EFCAB14: variants seen among roughly 807,000 people sequenced by gnomAD.
EFCAB14 encodes the protein EF-hand calcium-binding domain-containing protein 14.
In EFCAB14, 43 loss-of-function variants were observed where a neutral mutation model predicts 56.5. The observed-to-expected ratio is 0.76, with a 90% CI of 0.60 to 0.98. EFCAB14 has a LOEUF of 0.98. Among genes scored for constraint, EFCAB14 ranks in the 50% least tolerant of loss-of-function variants. EFCAB14 has a pLI of 0.00. For missense variants in EFCAB14, 538 were observed against 580.3 expected, an observed-to-expected ratio of 0.93 and a Z score of 0.75; for synonymous variants, 235 against 212.9, an observed-to-expected ratio of 1.10 and a Z score of -0.90.
intron 4 of EFCAB14, among the ~76,000 whole-genome samples, chr1:46,694,380 A>C (rs924733264): frequency 6.6e-6 from 1 of 152,258 alleles, no homozygotes; most frequent in African/African-American, 2.4e-5. Flanking sequence ...ACAAATTTAC[A>C]AGAAAAAATC....
At chr1:46,707,796 A>T in intron 3 of EFCAB14, 110 bp downstream of exon 3, 1 of 1,165,650 alleles carries the variant, frequency 8.6e-7, no homozygotes, top group Non-Finnish European at 1.2e-6. Context: ...TTCAAAAAGT[A>T]AAACAAACTG....
At chr1:46,716,469 T>A (rs985962772) in intron 1 of EFCAB14, 26 bp from the exon 2 acceptor site, 1 of 1,613,310 alleles carries the variant, frequency 6.2e-7, no homozygotes, top group South Asian at 1.1e-5. Context: ...AATTCAACCA[T>A]GAGTACAAAA....
chr1:46,695,395 T>C (rs1051526064), intron 4 of EFCAB14, among the ~76,000 whole-genome samples: 2 of 152,220 alleles, frequency 1.3e-5, no homozygotes, highest in East Asian at 1.9e-4. Context: ...TGTAAGTAGA[T>C]GGCCACATTG....
chr1:46,716,122 C>T (rs750978973), intron 2 of EFCAB14, among the ~76,000 whole-genome samples, 173 bp downstream of exon 2: 16 of 151,920 alleles, frequency 1.1e-4, no homozygotes, highest in Admixed American at 2.0e-4. Context: ...TGGTGGCACA[C>T]ACCTGTAATC....
chr1:46,686,981 C>A, intron 7 of EFCAB14, 111 bp from the exon 8 acceptor site: 1 of 971,994 alleles, frequency 1.0e-6, no homozygotes, highest in South Asian at 1.5e-5. Context: ...TAAAGGATCT[C>A]AGAACACTCT....
chr1:46,711,311 A>G lies in EFCAB14; in HGVS notation c.335-3260T>C, dbSNP rs183361939. Among the ~76,000 whole-genome samples, 330 of 152,350 alleles carry G rather than the reference A, an allele frequency of 2.2e-3. 3 individuals are homozygous for G. The highest frequency in any genetic ancestry group is 7.5e-3 in the African/African-American group (313 of 41,582). On this transcript the variant is annotated intron_variant, in intron 2 of 10. Transcript: ENST00000371933. ...ATAAAGAAAAACTCATCCAACAAAC[A>G]TCTGCCATACTCAGGTACCCCGAAG...
rs1022385140 is a variant in EFCAB14, at chr1:46,717,912, C to G, written c.176G>C (p.Arg59Pro). 3 of 1,613,256 alleles carry G rather than the reference C, an allele frequency of 1.9e-6. No homozygotes were observed. Among genetic ancestry groups the G allele is most frequent in the Non-Finnish European group, 2.5e-6 (3 of 1,179,728 alleles). ...EEFGVVGNRS[R>P]FAKGDYLRCC... ...TTTCACCACTACTCACTTGGCAAAG[C>G]GAGAGCGATTTCCAACCACACCGAA... is the stretch of plus-strand genomic sequence containing the variant. Residue 59 changes from arginine to proline, a missense_variant, in exon 1 of 11, where the codon CGC becomes CCC. By Grantham distance (103) the Arg-to-Pro change is moderately radical. Coordinates refer to ENST00000371933, the MANE Select transcript of EFCAB14 (RefSeq NM_014774.3).
intron 4 of EFCAB14, 108 bp from the exon 5 acceptor site, chr1:46,692,045 CA>C: frequency 1.3e-6 from 1 of 762,754 alleles, no homozygotes; most frequent in Non-Finnish European, 2.0e-6. Context: ...GACACATAAA[CA>C]ATTGTGAAAC....
rs1443920576 is a variant in EFCAB14, at chr1:46,684,546, G to C, written c.1131C>G (p.Ile377Met). The change falls in exon 9 of 11, where the codon ATC becomes ATG. Residue 377 changes from isoleucine to methionine, a missense_variant. Physicochemically the swap from Ile to Met is conservative, Grantham distance 10. Transcript: ENST00000371933. ...VSKLREKLQL[I>M]SALTNKPESN... is the part of the protein sequence containing the mutation. ...TCTCAGGTTTGTTTGTAAGAGCACTGATCAGCTGGAGTTTCTCTCTTAGCT... is the reference window on the plus strand; with the variant it reads ...TCTCAGGTTTGTTTGTAAGAGCACTCATCAGCTGGAGTTTCTCTCTTAGCT... The C allele has an allele frequency of 6.8e-6, 11 of 1,613,968 alleles. 1 individual carries two copies. In the Admixed American group the frequency reaches 1.8e-4, roughly 27 times the overall value.
At chr1:46,696,983 T>C (rs1020411910) in intron 3 of EFCAB14, among the ~76,000 whole-genome samples, 17 of 152,202 alleles carry the variant, frequency 1.1e-4, no homozygotes, top group Non-Finnish European at 2.5e-4. Context: ...CCCTCAACAA[T>C]TGGACAGGAA....
chr1:46,696,748 A>G, intron 3 of EFCAB14, 99 bp from the exon 4 acceptor site: 1 of 1,115,542 alleles, frequency 9.0e-7, no homozygotes, highest in South Asian at 1.4e-5. Context: ...AAGATAGTCT[A>G]GGATTTTATG....
rs1010251615 is a variant in EFCAB14, at chr1:46,676,776, T to A, written c.*1685A>T. The A allele has an allele frequency of 6.6e-6, 1 of 152,528 alleles. No individual in the cohort carries two copies. Among genetic ancestry groups the A allele is most frequent in the Non-Finnish European group, 1.5e-5 (1 of 68,026 alleles). 9.4% of individuals were successfully genotyped at this position (152,528 alleles called of 1,614,324 possible). A position where few individuals can be genotyped will look rare whatever the true frequency, so the allele number is the denominator to read the frequency against. On this transcript the variant is annotated 3_prime_UTR_variant, in exon 11 of 11. Transcript: ENST00000371933. Reference sequence around the variant, plus strand: ...GCTATAATGAGATAAGGGGACACATTCATGGGAAAAGACTTCATCTTGCTT... The same window carrying A: ...GCTATAATGAGATAAGGGGACACATACATGGGAAAAGACTTCATCTTGCTT...
At chr1:46,714,742 C>T (rs1450879461) in intron 2 of EFCAB14, among the ~76,000 whole-genome samples, 1 of 149,140 alleles carries the variant, frequency 6.7e-6, no homozygotes, top group Non-Finnish European at 1.5e-5. Context: ...GTCAAGGCTG[C>T]AACGAGCCAG....
intron 3 of EFCAB14, among the ~76,000 whole-genome samples, chr1:46,707,561 G>C (rs1022803132): frequency 1.3e-5 from 2 of 152,060 alleles, no homozygotes; most frequent in Admixed American, 1.3e-4. Flanking sequence ...AATAAAAATG[G>C]GTTATCTACT....
rs1677253840 is a variant in EFCAB14 at position 46,707,760 on chromosome 1, T to G, written c.480+146A>C. 1.6e-5 allele frequency: 11 copies of G among 683,232 alleles called. No individual in the cohort carries two copies. The East Asian group carries it at 3.3e-4, about 20-fold the overall frequency. 42.3% of individuals were successfully genotyped at this position (683,232 alleles called of 1,614,324 possible). A position where few individuals can be genotyped will look rare whatever the true frequency, so the allele number is the denominator to read the frequency against. ...ACTATTTTACCTGACTTTAACATGC[T>G]GGGATTACAGTATGCAAAACCCCAT... On this transcript the variant is annotated intron_variant, in intron 3 of 10. Transcript: ENST00000371933.
At position 46,718,429 on chromosome 1, in the gene EFCAB14, G is replaced by C. The variant is rs1473020680; in HGVS notation, c.-342C>G. 1 of 185,934 alleles carries C rather than the reference G, an allele frequency of 5.4e-6. No individual in the cohort carries two copies. The highest frequency in any genetic ancestry group is 2.3e-5 in the African/African-American group (1 of 42,796). The allele number at this position is 185,934 out of a possible 1,614,324, so 11.5% of individuals were successfully genotyped here. ...AAAAAAAGCCAGGTCAAAAATGAAG[G>C]ATTCTCAGCCCGGATAAGTAGGCAA... On this transcript the variant is annotated 5_prime_UTR_variant, in exon 1 of 11. It adds an upstream start codon to the 5' untranslated region. Transcript: ENST00000371933.
chr1:46,680,245 T>C (rs1312371903), intron 10 of EFCAB14, among the ~76,000 whole-genome samples: 2 of 152,176 alleles, frequency 1.3e-5, no homozygotes, highest in African/African-American at 4.8e-5. Context: ...TATGTTTACA[T>C]AAAAACTTGC....
chr1:46,686,291 T>C (rs1363384087), intron 8 of EFCAB14, among the ~76,000 whole-genome samples: 1 of 152,176 alleles, frequency 6.6e-6, no homozygotes, highest in East Asian at 1.9e-4. Flanking sequence ...TACATAGAGA[T>C]TGCAATACAA....
chr1:46,710,768 T>G (rs975667362), intron 2 of EFCAB14, among the ~76,000 whole-genome samples: 4 of 151,954 alleles, frequency 2.6e-5, no homozygotes, highest in Admixed American at 2.6e-4. Flanking sequence ...CCTGGGCTGG[T>G]CTCAAACCCC....
Sources: gnomAD v4.1 joint callset for allele counts (sites outside exome capture counted in the v4.1 genomes callset) on GRCh38, gnomAD v4.1.1 for gene constraint, MANE v1.5 for transcripts, NCBI Gene and HGNC (gene_info 2026-07-23, HGNC 2026-07-21) for gene names.